CEP128: variants seen among roughly 807,000 people sequenced by gnomAD.
CEP128 encodes centrosomal protein 128.
In CEP128, 132 loss-of-function variants were observed where a neutral mutation model predicts 156.7. The ratio of observed to expected loss-of-function variants is 0.84; its 90% CI spans 0.73 to 0.97. The LOEUF is 0.97. Among genes scored for constraint, CEP128 ranks in the 50% least tolerant of loss-of-function variants. The pLI is 0.00. For synonymous variants in CEP128, 469 were observed against 448.9 expected, an observed-to-expected ratio of 1.04 and a Z score of -0.57; for missense variants, 1,252 against 1,281.9, an observed-to-expected ratio of 0.98 and a Z score of 0.36.
intron 19 of CEP128, among the ~76,000 whole-genome samples, chr14:80,653,272 G>C (rs766342282): frequency 6.6e-6 from 1 of 152,006 alleles, no homozygotes; most frequent in South Asian, 2.1e-4. Flanking sequence ...ACCATGGCAC[G>C]TTTATACCTA....
At chr14:80,646,057 G>A (rs1467175741) in intron 19 of CEP128, among the ~76,000 whole-genome samples, 1 of 152,034 alleles carries the variant, frequency 6.6e-6, no homozygotes, top group Admixed American at 6.5e-5. Flanking sequence ...GGGGAAGGAG[G>A]GATAAATAGG....
rs1279964862 is a variant in CEP128 at position 80,955,754 on chromosome 14, C to G, written c.-172+2424G>C. On this transcript the variant is annotated intron_variant, in intron 2 of 7. Coordinates refer to the CEP128 transcript ENST00000555529. ...AGGGACCTGGGCGGAATGGGGTGTT[C>G]GTCTCCACCCTGCGAGTGCCATCAG... The G allele has an allele frequency of 2.5e-6, 4 of 1,614,164 alleles. No homozygotes were observed. In the South Asian group the frequency reaches 4.4e-5, roughly 18 times the overall value.
intron 19 of CEP128, among the ~76,000 whole-genome samples, chr14:80,630,206 A>T (rs1428330138): frequency 6.6e-6 from 1 of 151,992 alleles, no homozygotes; most frequent in Non-Finnish European, 1.5e-5. Flanking sequence ...TACTTTTACA[A>T]ACTAAGGTGG....
chr14:80,502,487 T>G (rs753123487), intron 24 of CEP128, among the ~76,000 whole-genome samples: 1 of 152,126 alleles, frequency 6.6e-6, no homozygotes, highest in Non-Finnish European at 1.5e-5. Context: ...TTCTAAAAAT[T>G]TTATCTTTTC....
At chr14:80,584,179 A>G (rs1891713991) in intron 19 of CEP128, among the ~76,000 whole-genome samples, 1 of 120,986 alleles carries the variant, frequency 8.3e-6, no homozygotes, top group African/African-American at 3.4e-5. Context: ...ACAGCGTCTC[A>G]TCCGATGCCC....
chr14:80,635,244 A>G lies in CEP128; in HGVS notation c.2807-54821T>C, dbSNP rs568459009. Among the ~76,000 whole-genome samples the G allele has an allele frequency of 3.9e-5, 6 of 152,302 alleles. No homozygotes were observed. In the East Asian group the frequency reaches 9.6e-4, roughly 24 times the overall value. On this transcript the variant is annotated intron_variant, in intron 19 of 24. Transcript: ENST00000555265. ...ATGTTCTCCTTGGAGTCCATACTCA[A>G]TTATAGATGAGACACTTGCTAAGTG... is the stretch of plus-strand genomic sequence containing the variant.
chr14:80,528,868 A>G (rs948469745), intron 22 of CEP128, among the ~76,000 whole-genome samples: 1 of 152,202 alleles, frequency 6.6e-6, no homozygotes, highest in African/African-American at 2.4e-5. Context: ...TAGAAAGTTG[A>G]AAGGGTTTGA....
chr14:80,538,967 G>C (rs1287864728), intron 21 of CEP128, among the ~76,000 whole-genome samples: 1 of 152,216 alleles, frequency 6.6e-6, no homozygotes, highest in Non-Finnish European at 1.5e-5. Context: ...CATCATGAGA[G>C]TAGGGAATAT....
At chr14:80,720,708 T>C (rs760871433) in intron 19 of CEP128, among the ~76,000 whole-genome samples, 1 of 152,158 alleles carries the variant, frequency 6.6e-6, no homozygotes, top group Non-Finnish European at 1.5e-5. Context: ...GTGCTAAGTT[T>C]TGAAAAATAA....
At chr14:80,585,364 G>A (rs549965420) in intron 19 of CEP128, among the ~76,000 whole-genome samples, 8 of 152,270 alleles carry the variant, frequency 5.3e-5, no homozygotes, top group African/African-American at 1.7e-4. Context: ...GTTGATTTTG[G>A]TTTCTGGTAG....
At chr14:80,656,288 T>A (rs1895146830) in intron 19 of CEP128, among the ~76,000 whole-genome samples, 1 of 6,726 alleles carries the variant, frequency 1.5e-4, no homozygotes, top group East Asian at 1.9e-3. Flanking sequence ...TTTATATATA[T>A]ATTTATATAT....
chr14:80,539,170 TG>T (rs56938055), intron 21 of CEP128, among the ~76,000 whole-genome samples: 4,340 of 152,216 alleles, frequency 0.029, 220 homozygotes, highest in African/African-American at 0.099. Flanking sequence ...GGAACAGAAA[TG>T]GGAGAGAAAC....
chr14:80,532,538 C>T (rs1468737185), intron 21 of CEP128, among the ~76,000 whole-genome samples: 2 of 152,166 alleles, frequency 1.3e-5, no homozygotes, highest in African/African-American at 4.8e-5. Flanking sequence ...AGGGTAGAGG[C>T]ACATATGGAG....
chr14:80,513,709 G>C (rs1250664188), intron 23 of CEP128, among the ~76,000 whole-genome samples: 2 of 152,140 alleles, frequency 1.3e-5, no homozygotes, highest in East Asian at 3.9e-4. Context: ...ATTCTCATCA[G>C]ATGGGTTTTA....
intron 19 of CEP128, among the ~76,000 whole-genome samples, chr14:80,616,944 G>A (rs1219679180): frequency 6.6e-6 from 1 of 152,180 alleles, no homozygotes; most frequent in African/African-American, 2.4e-5. Context: ...GCAAAGACTA[G>A]TGATATTAAG....
At chr14:80,598,506 T>C (rs1187481249) in intron 19 of CEP128, among the ~76,000 whole-genome samples, 1 of 152,152 alleles carries the variant, frequency 6.6e-6, no homozygotes, top group African/African-American at 2.4e-5. Context: ...ACTGTATTCA[T>C]GGATTAGAAG....
chr14:80,645,693 T>C (rs142602132), intron 19 of CEP128, among the ~76,000 whole-genome samples: 1 of 152,292 alleles, frequency 6.6e-6, no homozygotes, highest in Non-Finnish European at 1.5e-5. Flanking sequence ...ATTTTTACCA[T>C]ACAATCCAGC....
intron 19 of CEP128, among the ~76,000 whole-genome samples, chr14:80,717,370 G>A (rs72690961): frequency 9.9e-5 from 15 of 152,212 alleles, no homozygotes; most frequent in Non-Finnish European, 2.2e-4. Context: ...ATTTCCTGTA[G>A]AGATTAACAA....
chr14:80,713,494 T>G (rs1363865912), intron 19 of CEP128, among the ~76,000 whole-genome samples: 1 of 152,056 alleles, frequency 6.6e-6, no homozygotes, highest in African/African-American at 2.4e-5. Context: ...TTAAATACTA[T>G]CTCTTAGTTC....
Sources: allele counts gnomAD v4.1 joint callset (sites outside exome capture counted in the v4.1 genomes callset), GRCh38; gene constraint gnomAD v4.1.1; transcripts MANE v1.5; gene names NCBI Gene and HGNC (gene_info 2026-07-23, HGNC 2026-07-21).